The following RBFOX1 variants were observed in gnomAD, a reference collection of about 807,000 sequenced individuals.
The protein encoded by RBFOX1 is RNA binding protein fox-1 homolog 1.
In RBFOX1, 8 loss-of-function variants were observed where a neutral mutation model predicts 57.7. The observed-to-expected ratio is 0.14, with a 90% CI of 0.08 to 0.25. The LOEUF is 0.25. Ranked by LOEUF, RBFOX1 falls within the 10% of genes least tolerant of loss-of-function variation. The pLI is 1.00. For missense variants in RBFOX1, 611 were observed against 548.5 expected, an observed-to-expected ratio of 1.11 and a Z score of -1.14; for synonymous variants, 326 against 222.4, an observed-to-expected ratio of 1.47 and a Z score of -4.15.
At chr16:6,583,971 C>G (rs1000250752) in intron 2 of RBFOX1, among the ~76,000 whole-genome samples, 16 of 144,422 alleles carry the variant, frequency 1.1e-4, no homozygotes, top group African/African-American at 4.0e-4. Context: ...AGCTGAAAAA[C>G]AAATAAACAA....
At position 5,851,624 on chromosome 16, in the gene RBFOX1, G is replaced by A. The variant is rs142949505; in HGVS notation, c.319-15679G>A. On this transcript the variant is annotated intron_variant, in intron 3 of 19. Transcript: ENST00000641259. The stretch of plus-strand genomic sequence containing the variant: ...CTCAATTTTGAGATTGCAATGGGGA[G>A]AGCAGAGATGGCTATGGCGAAACAT... Among the ~76,000 whole-genome samples the A allele has an allele frequency of 1.1e-3, 164 of 152,336 alleles. 1 individual carries two copies. Among genetic ancestry groups the A allele is most frequent in the African/African-American group, 3.6e-3 (150 of 41,576 alleles).
At chr16:6,521,208 A>G (rs981428118) in intron 2 of RBFOX1, among the ~76,000 whole-genome samples, 5 of 152,112 alleles carry the variant, frequency 3.3e-5, no homozygotes, top group African/African-American at 1.2e-4. Context: ...ATTATAGCAA[A>G]TAGACATTAT....
At chr16:6,383,326 A>G (rs1315848083) in intron 2 of RBFOX1, among the ~76,000 whole-genome samples, 1 of 152,220 alleles carries the variant, frequency 6.6e-6, no homozygotes, top group African/African-American at 2.4e-5. Context: ...CAGAAAACCT[A>G]TGCAGGATGC....
At chr16:6,449,119 A>G (rs77684884) in intron 2 of RBFOX1, among the ~76,000 whole-genome samples, 20,392 of 152,224 alleles carry the variant, frequency 0.13, 1,862 homozygotes, top group Non-Finnish European at 0.19. Context: ...AAGTGTTTCT[A>G]TGACCCTTCG....
intron 4 of RBFOX1, among the ~76,000 whole-genome samples, chr16:7,103,381 T>C (rs2063032314): frequency 2.6e-5 from 4 of 152,132 alleles, no homozygotes; most frequent in Non-Finnish European, 2.9e-5. Context: ...AAATAGCAAA[T>C]GAAGCTGGCC....
intron 3 of RBFOX1, among the ~76,000 whole-genome samples, chr16:5,726,550 C>A (rs1366038555): frequency 6.6e-6 from 1 of 152,168 alleles, no homozygotes; most frequent in East Asian, 1.9e-4. Context: ...AGGGGCAAAT[C>A]CTTGTCCATA....
chr16:5,612,860 T>A (rs577204991), intron 3 of RBFOX1, among the ~76,000 whole-genome samples: 2 of 152,190 alleles, frequency 1.3e-5, no homozygotes, highest in Non-Finnish European at 2.9e-5. Context: ...TAGGCACTCA[T>A]CATTTGGGGT....
At chr16:5,953,839 A>G (rs2152279537) in intron 4 of RBFOX1, among the ~76,000 whole-genome samples, 1 of 152,094 alleles carries the variant, frequency 6.6e-6, no homozygotes, top group Middle Eastern at 3.4e-3. Flanking sequence ...TTTTTTGTAT[A>G]ATGACTTCTA....
intron 4 of RBFOX1, among the ~76,000 whole-genome samples, chr16:7,152,908 G>A (rs935616772): frequency 6.6e-6 from 1 of 152,180 alleles, no homozygotes; most frequent in Non-Finnish European, 1.5e-5. Context: ...CAACAGAGAT[G>A]TTTTCTGAGA....
chr16:5,376,217 G>T (rs2065979365), intron 1 of RBFOX1, among the ~76,000 whole-genome samples: 1 of 151,870 alleles, frequency 6.6e-6, no homozygotes, highest in Non-Finnish European at 1.5e-5. Context: ...TTCACAGCTA[G>T]TAAGGGCTGG....
intron 4 of RBFOX1, among the ~76,000 whole-genome samples, chr16:7,165,621 G>C (rs932376436): frequency 3.3e-5 from 5 of 151,610 alleles, no homozygotes; most frequent in African/African-American, 9.7e-5. Context: ...TAGAGATGAA[G>C]TTTCTCCACG....
chr16:6,459,549 C>G (rs1185606723), intron 2 of RBFOX1, among the ~76,000 whole-genome samples: 1 of 152,112 alleles, frequency 6.6e-6, no homozygotes, highest in Non-Finnish European at 1.5e-5. Flanking sequence ...TATCTCATCT[C>G]AAAGATTTTC....
chr16:7,250,469 C>T (rs1037645930), intron 4 of RBFOX1, among the ~76,000 whole-genome samples: 2 of 151,700 alleles, frequency 1.3e-5, no homozygotes, highest in Non-Finnish European at 3.0e-5. Context: ...CCTGCTTCAT[C>T]GCCTCAGCTG....
At chr16:6,142,825 G>C (rs886380735) in intron 1 of RBFOX1, among the ~76,000 whole-genome samples, 1 of 152,002 alleles carries the variant, frequency 6.6e-6, no homozygotes, top group Admixed American at 6.6e-5. Flanking sequence ...TCTCCTTTTT[G>C]TTTGTAGATC....
intron 1 of RBFOX1, among the ~76,000 whole-genome samples, chr16:6,298,890 C>G (rs535616766): frequency 2.1e-4 from 32 of 152,242 alleles, no homozygotes; most frequent in Admixed American, 2.0e-3. Context: ...TTTTGATGAT[C>G]TGACATTCCT....
At chr16:6,815,597 T>C (rs1479567325) in intron 3 of RBFOX1, among the ~76,000 whole-genome samples, 1 of 152,198 alleles carries the variant, frequency 6.6e-6, no homozygotes, top group Non-Finnish European at 1.5e-5. Context: ...ATTAATCTCA[T>C]TTTACCAATG....
intron 3 of RBFOX1, among the ~76,000 whole-genome samples, chr16:5,797,767 G>A (rs376333658): frequency 6.6e-5 from 10 of 152,214 alleles, no homozygotes; most frequent in African/African-American, 1.4e-4. Flanking sequence ...GCTAAAATAC[G>A]ATAAGCAGCC....
chr16:7,164,971 A>AC (rs1241050965), intron 4 of RBFOX1, among the ~76,000 whole-genome samples: 5 of 152,200 alleles, frequency 3.3e-5, no homozygotes, highest in African/African-American at 1.2e-4. Flanking sequence ...GTATCACAGT[A>AC]ACCTCTCCCT....
rs1567430667 is a variant in RBFOX1, at chr16:5,709,859, T to TA, written c.318+110898_318+110899insA. On this transcript the variant is annotated intron_variant, in intron 3 of 19. Transcript: ENST00000641259. ...TATATATATATTTTTTTTTTTTTTT[T>TA]TTTTTTTTTTTTTTTTTTACCATTT... 2.5e-4 allele frequency among the ~76,000 whole-genome samples: 12 copies of TA among 48,850 alleles called. 1 individual carries two copies. The highest frequency in any genetic ancestry group is 8.3e-4 in the Admixed American group (4 of 4,832). 32.0% of individuals were successfully genotyped at this position (48,850 alleles called of 152,430 possible).
Sources: allele counts gnomAD v4.1 joint callset (sites outside exome capture counted in the v4.1 genomes callset), GRCh38; gene constraint gnomAD v4.1.1; transcripts MANE v1.5; gene names NCBI Gene and HGNC (gene_info 2026-07-23, HGNC 2026-07-21).